EXOC6B: variants seen among roughly 807,000 people sequenced by gnomAD.
EXOC6B encodes the protein SEC15 homolog B.
Under a neutral mutation model 113.5 loss-of-function variants are expected in EXOC6B, and 54 were observed. The observed-to-expected ratio is 0.48, with a 90% CI of 0.38 to 0.60. The LOEUF (loss-of-function observed/expected upper bound fraction) is 0.60. EXOC6B is among the 20% of genes least tolerant of loss of function. The probability of loss-of-function intolerance (pLI) is 0.00; values close to 1 mark genes in which losing one functional copy is unlikely to be tolerated. For synonymous variants in EXOC6B, 357 were observed against 339.0 expected (o/e 1.05, Z -0.58); for missense variants, 797 against 977.5 (o/e 0.82, Z 2.46).
In EXOC6B at chr2:72,813,732, T is replaced by C. The variant is rs192355446; in HGVS notation, c.113+12066A>G. Among the ~76,000 whole-genome samples the C allele has an allele frequency of 4.5e-4, 68 of 152,380 alleles. No individual in the cohort carries two copies. In the East Asian group the frequency reaches 0.011, roughly 24 times the overall value. ...TGTCTGCTGTTTTTCTTCACTCATA[T>C]TGCTTGATAAGACCACATTTCATAT... On this transcript the variant is annotated intron_variant, in intron 1 of 21. Transcript: ENST00000272427.
intron 6 of EXOC6B, among the ~76,000 whole-genome samples, chr2:72,652,875 G>A (rs976244116): frequency 6.6e-6 from 1 of 150,750 alleles, no homozygotes; most frequent in East Asian, 1.9e-4. Flanking sequence ...ACCACGCATG[G>A]TGGCTCACAC....
At chr2:72,762,864 A>G (rs1682824551) in intron 1 of EXOC6B, among the ~76,000 whole-genome samples, 1 of 152,130 alleles carries the variant, frequency 6.6e-6, no homozygotes, top group Non-Finnish European at 1.5e-5. Flanking sequence ...AAACACATGT[A>G]GAAGTAAAAT....
At chr2:72,702,835 T>C (rs1295374029) in intron 6 of EXOC6B, among the ~76,000 whole-genome samples, 102 of 143,878 alleles carry the variant, frequency 7.1e-4, no homozygotes, top group African/African-American at 2.5e-3. Flanking sequence ...CTTTGTCAGA[T>C]GAGTAGGTTG....
intron 6 of EXOC6B, among the ~76,000 whole-genome samples, chr2:72,583,758 T>A (rs561602151): frequency 6.6e-6 from 1 of 152,232 alleles, no homozygotes; most frequent in African/African-American, 2.4e-5. Flanking sequence ...TCTTACTCTG[T>A]CACCCAGGCT....
At chr2:72,272,813 A>G (rs948578784) in intron 20 of EXOC6B, among the ~76,000 whole-genome samples, 3 of 152,176 alleles carry the variant, frequency 2.0e-5, no homozygotes, top group Admixed American at 6.6e-5. Context: ...AGAACTGGCC[A>G]TTGCTTGGGT....
intron 19 of EXOC6B, among the ~76,000 whole-genome samples, chr2:72,369,864 A>G (rs1408746472): frequency 1.3e-5 from 2 of 152,068 alleles, no homozygotes; most frequent in African/African-American, 4.8e-5. Flanking sequence ...AATTAATTCA[A>G]ATAGATTAAA....
intron 20 of EXOC6B, among the ~76,000 whole-genome samples, chr2:72,331,586 A>G (rs1264211194): frequency 6.6e-6 from 1 of 152,068 alleles, no homozygotes; most frequent in African/African-American, 2.4e-5. Flanking sequence ...ATATACACAT[A>G]TATTTGATTT....
At chr2:72,532,400 A>G (rs961884775) in intron 8 of EXOC6B, among the ~76,000 whole-genome samples, 5 of 152,178 alleles carry the variant, frequency 3.3e-5, no homozygotes, top group Non-Finnish European at 7.3e-5. Flanking sequence ...TTTTCTAAGG[A>G]ATGCAAAGTT....
intron 6 of EXOC6B, among the ~76,000 whole-genome samples, chr2:72,690,305 A>T (rs937178418): frequency 6.6e-6 from 1 of 152,206 alleles, no homozygotes; most frequent in Non-Finnish European, 1.5e-5. Flanking sequence ...CCATGTCCCT[A>T]TACATATTCC....
chr2:72,280,450 C>A (rs978727753), intron 20 of EXOC6B, among the ~76,000 whole-genome samples: 7 of 151,888 alleles, frequency 4.6e-5, no homozygotes, highest in African/African-American at 1.7e-4. Flanking sequence ...AAAATGTTAA[C>A]CTATAAGAAT....
intron 1 of EXOC6B, among the ~76,000 whole-genome samples, chr2:72,767,089 G>A (rs1683112742): frequency 3.3e-5 from 5 of 152,036 alleles, no homozygotes; most frequent in Admixed American, 3.3e-4. Flanking sequence ...TCAGCCAGCA[G>A]TTCTCAAAAT....
At chr2:72,818,086 CT>C (rs1191973590) in intron 1 of EXOC6B, among the ~76,000 whole-genome samples, 1 of 152,134 alleles carries the variant, frequency 6.6e-6, no homozygotes, top group East Asian at 1.9e-4. Context: ...ATTCTCCTGC[CT>C]TAGCCTCCTG....
At chr2:72,237,782 G>A (rs1253931945) in intron 20 of EXOC6B, among the ~76,000 whole-genome samples, 1 of 152,158 alleles carries the variant, frequency 6.6e-6, no homozygotes, top group Non-Finnish European at 1.5e-5. Flanking sequence ...GTGATCCTTG[G>A]AGGCTGCTGA....
chr2:72,246,507 A>AT (rs11386307), intron 20 of EXOC6B, among the ~76,000 whole-genome samples: 44,507 of 137,034 alleles, frequency 0.32, 8,465 homozygotes, highest in African/African-American at 0.52. Context: ...TAACTAATTG[A>AT]TTTTTTTTTT....
At chr2:72,746,814 G>C (rs1681727249) in intron 1 of EXOC6B, among the ~76,000 whole-genome samples, 1 of 152,014 alleles carries the variant, frequency 6.6e-6, no homozygotes, top group Non-Finnish European at 1.5e-5. Flanking sequence ...CCTCTCTACT[G>C]CATCAGTCTA....
At chr2:72,181,518 T>C (rs1182466386) in intron 21 of EXOC6B, among the ~76,000 whole-genome samples, 1 of 152,136 alleles carries the variant, frequency 6.6e-6, no homozygotes, top group Non-Finnish European at 1.5e-5. Context: ...ATACAATATA[T>C]CTAAACATTA....
At chr2:72,403,826 C>A (rs1235707603) in intron 18 of EXOC6B, among the ~76,000 whole-genome samples, 6 of 152,120 alleles carry the variant, frequency 3.9e-5, no homozygotes, top group African/African-American at 1.2e-4. Flanking sequence ...ACTGAGGTAC[C>A]GGGTTCATCT....
Position 72,646,613 on chromosome 2 carries a change from G to A in EXOC6B, c.670-70945C>T, listed in dbSNP as rs555240828. Among the ~76,000 whole-genome samples, 14 of 151,942 alleles carry A rather than the reference G, an allele frequency of 9.2e-5. No homozygotes were observed. The South Asian group carries it at 1.5e-3, about 16-fold the overall frequency. On this transcript the variant is annotated intron_variant, in intron 6 of 21. Transcript: ENST00000272427. ...AAAGCTTATCCACCACAATCAAGTC[G>A]GCTTCATCCCTGGGATGCAAGGCTG...
chr2:72,672,677 C>T (rs2104507962), intron 6 of EXOC6B, among the ~76,000 whole-genome samples: 1 of 152,162 alleles, frequency 6.6e-6, no homozygotes, highest in East Asian at 1.9e-4. Context: ...AACCAAAGGT[C>T]ATTACATTAA....
Sources: gnomAD v4.1 joint callset for allele counts (sites outside exome capture counted in the v4.1 genomes callset) on GRCh38, gnomAD v4.1.1 for gene constraint, MANE v1.5 for transcripts, NCBI Gene and HGNC (gene_info 2026-07-23, HGNC 2026-07-21) for gene names.